Variants in ATP2B2 observed in about 807,000 individuals in gnomAD.
The protein encoded by ATP2B2 is ATPase plasma membrane Ca2+ transporting 2.
A neutral mutation model predicts 120.0 loss-of-function variants in ATP2B2; 15 were observed. The ratio of observed to expected loss-of-function variants is 0.12; its 90% CI spans 0.08 to 0.19. ATP2B2 has a LOEUF of 0.19. Among genes scored for constraint, ATP2B2 ranks in the 10% least tolerant of loss-of-function variants. ATP2B2 has a pLI of 1.00. For synonymous variants in ATP2B2, 694 were observed against 700.3 expected, an observed-to-expected ratio of 0.99 and a Z score of 0.14; for missense variants, 1,045 against 1,719.8, an observed-to-expected ratio of 0.61 and a Z score of 6.94.
chr3:10,657,234 C>T (rs1185187744), intron 1 of ATP2B2, among the ~76,000 whole-genome samples: 2 of 152,206 alleles, frequency 1.3e-5, no homozygotes, highest in African/African-American at 2.4e-5. Flanking sequence ...GTTCCACCAA[C>T]AAGCAGTGCC....
At chr3:10,536,999 T>C (rs1409726699) in intron 2 of ATP2B2, among the ~76,000 whole-genome samples, 1 of 152,232 alleles carries the variant, frequency 6.6e-6, no homozygotes, top group Admixed American at 6.5e-5. Context: ...GAAAAGGTTA[T>C]CATCTTTACT....
intron 3 of ATP2B2, among the ~76,000 whole-genome samples, chr3:10,525,542 T>C (rs1251905536): frequency 6.6e-6 from 1 of 152,190 alleles, no homozygotes; most frequent in Middle Eastern, 3.2e-3. Flanking sequence ...CCGCACTTTA[T>C]TCACATTTCC....
intron 1 of ATP2B2, among the ~76,000 whole-genome samples, chr3:10,677,205 A>G (rs2071268926): frequency 6.6e-6 from 1 of 152,254 alleles, no homozygotes; most frequent in Non-Finnish European, 1.5e-5. Flanking sequence ...GTACACCCAG[A>G]CAATGGAATA....
chr3:10,463,221 T>C (rs968404090), intron 1 of ATP2B2, among the ~76,000 whole-genome samples: 3 of 152,140 alleles, frequency 2.0e-5, no homozygotes, highest in Non-Finnish European at 4.4e-5. Context: ...GGGGTGGGTT[T>C]TGCCAGCTTG....
In ATP2B2 at chr3:10,706,490, C is replaced by T; in HGVS notation, c.-460+1425G>A. ...AGTGGCTCCAGTGGGCTTCTGAGGG[C>T]ATTGGGATATCTTGTCTCTACCTAA... is the stretch of plus-strand genomic sequence containing the variant. On this transcript the variant is annotated intron_variant, in intron 1 of 21. Coordinates refer to the ATP2B2 transcript ENST00000646379. 1.3e-5 allele frequency among the ~76,000 whole-genome samples: 2 copies of T among 152,176 alleles called. 1 individual carries two copies. Among genetic ancestry groups the T allele is most frequent in the East Asian group, 3.9e-4 (2 of 5,194 alleles).
chr3:10,464,798 A>G (rs1165183458), intron 1 of ATP2B2, among the ~76,000 whole-genome samples: 1 of 152,210 alleles, frequency 6.6e-6, no homozygotes, highest in Non-Finnish European at 1.5e-5. Flanking sequence ...AGCCAGCGAG[A>G]GAAACTAGAA....
intron 2 of ATP2B2, among the ~76,000 whole-genome samples, chr3:10,546,533 C>T (rs1458508133): frequency 2.0e-5 from 3 of 152,226 alleles, no homozygotes; most frequent in Non-Finnish European, 4.4e-5. Context: ...GCCACTCAGC[C>T]CCTACATGGG....
chr3:10,595,010 G>A (rs891097115), intron 2 of ATP2B2, among the ~76,000 whole-genome samples: 1 of 152,206 alleles, frequency 6.6e-6, no homozygotes, highest in Non-Finnish European at 1.5e-5. Context: ...GAAGACCAAT[G>A]CAATCGGAGA....
intron 1 of ATP2B2, among the ~76,000 whole-genome samples, chr3:10,496,864 C>T (rs1252339570): frequency 1.3e-5 from 2 of 152,356 alleles, no homozygotes; most frequent in East Asian, 1.9e-4. Context: ...CTGGCTGCAC[C>T]CAGGTCTTTG....
chr3:10,409,685 C>A (rs1322080834), intron 3 of ATP2B2, among the ~76,000 whole-genome samples: 2 of 152,110 alleles, frequency 1.3e-5, no homozygotes, highest in East Asian at 3.8e-4. Context: ...GTTTCTTGGG[C>A]AACTTTGGCT....
In ATP2B2 at chr3:10,530,241, T is replaced by C. The variant is rs2067182897; in HGVS notation, c.-320+3798A>G. Among the ~76,000 whole-genome samples, 4 of 152,222 alleles carry C rather than the reference T, an allele frequency of 2.6e-5. No individual in the cohort carries two copies. In the South Asian group the frequency reaches 8.3e-4, roughly 32 times the overall value. ...AAGAACAAAACTCACTGAGCAGTTG[T>C]CAATATTCCAGGCCCTAAGCTGGGC... On this transcript the variant is annotated intron_variant, in intron 3 of 21. Coordinates refer to the ATP2B2 transcript ENST00000646379.
intron 1 of ATP2B2, among the ~76,000 whole-genome samples, chr3:10,683,986 C>G (rs1471521689): frequency 2.0e-5 from 3 of 151,672 alleles, no homozygotes; most frequent in African/African-American, 4.8e-5. Context: ...TGTGCTCTTT[C>G]CAGAAACCTC....
Position 10,378,335 on chromosome 3 carries a change from C to A in ATP2B2, c.1118G>T (p.Arg373Met). 1 of 1,608,818 alleles carries A rather than the reference C, an allele frequency of 6.2e-7. No individual in the cohort carries two copies. The highest frequency in any genetic ancestry group is 8.5e-7 in the Non-Finnish European group (1 of 1,180,022). Residue 373 changes from arginine to methionine, a missense_variant, in exon 10 of 23, where the codon AGG becomes ATG. Around this residue, in one of 11 missense-constraint regions of ATP2B2, gnomAD observed 145 missense variants for 202.0 expected, o/e 0.72. Coordinates refer to ENST00000360273, the MANE Select transcript of ATP2B2 (RefSeq NM_001001331.4). ...CTTCTTGTGCATGCTGGCCTTCTTC[C>A]TGTCGTCAGCGTCGCCGCCCTCGGC... ...KSAEGGDADDRKKASMHKKEK... is the reference protein window; with the variant it reads ...KSAEGGDADDMKKASMHKKEK...
At chr3:10,641,420 G>T (rs1234506814) in intron 1 of ATP2B2, among the ~76,000 whole-genome samples, 2 of 152,172 alleles carry the variant, frequency 1.3e-5, no homozygotes, top group East Asian at 3.8e-4. Flanking sequence ...CCCTAGCCAA[G>T]GGTGGCCCCG....
intron 19 of ATP2B2, among the ~76,000 whole-genome samples, chr3:10,341,458 G>A (rs768156799): frequency 1.3e-5 from 2 of 152,072 alleles, no homozygotes; most frequent in African/African-American, 4.8e-5. Flanking sequence ...TTACAGGTGC[G>A]CACCATCACG....
At chr3:10,566,944 T>C (rs1399347379) in intron 2 of ATP2B2, among the ~76,000 whole-genome samples, 4 of 152,358 alleles carry the variant, frequency 2.6e-5, no homozygotes, top group African/African-American at 7.2e-5. Flanking sequence ...TTTCCACTGA[T>C]ATAAACATCC....
At position 10,337,790 on chromosome 3, in the gene ATP2B2, C is replaced by T. The variant is rs551998895; in HGVS notation, c.3420+386G>A. Among the ~76,000 whole-genome samples the T allele has an allele frequency of 3.9e-5, 6 of 152,218 alleles. No homozygotes were observed. The South Asian group carries it at 1.2e-3, about 32-fold the overall frequency. ...GGGGGACCCTGGGCGACCTGGCCTG[C>T]AGCTTCTGTCCAGCCTCACACGGCC... is the stretch of plus-strand genomic sequence containing the variant. On this transcript the variant is annotated intron_variant, in intron 22 of 22. Transcript: ENST00000360273.
chr3:10,499,751 A>G (rs1358327934), intron 1 of ATP2B2, among the ~76,000 whole-genome samples: 1 of 151,892 alleles, frequency 6.6e-6, no homozygotes, highest in Admixed American at 6.6e-5. Flanking sequence ...GCCCCTGCAG[A>G]CCTGGGGTCT....
intron 5 of ATP2B2, among the ~76,000 whole-genome samples, 185 bp from the exon 6 acceptor site, chr3:10,388,587 A>C (rs1307186399): frequency 6.6e-6 from 1 of 152,212 alleles, no homozygotes; most frequent in Admixed American, 6.5e-5. Flanking sequence ...ACCTCAGGAC[A>C]GTGCTGGGGT....
Sources: gnomAD v4.1 joint callset for allele counts (sites outside exome capture counted in the v4.1 genomes callset) on GRCh38, gnomAD v4.1.1 for gene constraint, gnomAD v4.1.1 regional missense constraint, MANE v1.5 for transcripts, NCBI Gene and HGNC (gene_info 2026-07-23, HGNC 2026-07-21) for gene names.